NAV1: variants seen among roughly 807,000 people sequenced by gnomAD.
NAV1 encodes the protein pore membrane and/or filament interacting like protein 3.
A neutral mutation model predicts 175.2 loss-of-function variants in NAV1; 18 were observed. The observed-to-expected ratio is 0.10, with a 90% CI of 0.07 to 0.15. The LOEUF (loss-of-function observed/expected upper bound fraction) is 0.15. Ranked by LOEUF, NAV1 falls within the 10% of genes least tolerant of loss-of-function variation. The pLI is 1.00. For synonymous variants in NAV1, 897 were observed against 978.7 expected, an observed-to-expected ratio of 0.92 and a Z score of 1.56; for missense variants, 1,731 against 2,436.6, an observed-to-expected ratio of 0.71 and a Z score of 6.10.
chr1:201,804,859 C>G (rs1457676008), intron 17 of NAV1, among the ~76,000 whole-genome samples: 3 of 152,154 alleles, frequency 2.0e-5, no homozygotes, highest in African/African-American at 4.8e-5. Context: ...TCCATAATAC[C>G]TAGAGACCCA....
intron 2 of NAV1, among the ~76,000 whole-genome samples, chr1:201,611,464 C>T (rs1449821527): frequency 1.3e-5 from 2 of 152,168 alleles, no homozygotes; most frequent in African/African-American, 2.4e-5. Context: ...GGGACCTCCT[C>T]GCAATGCCCA....
intron 3 of NAV1, among the ~76,000 whole-genome samples, chr1:201,769,632 T>C (rs962287825): frequency 1.3e-5 from 2 of 152,232 alleles, no homozygotes; most frequent in Non-Finnish European, 2.9e-5. Context: ...TCTTGGAACC[T>C]GTTTCCAGTT....
chr1:201,706,376 G>T (rs1379180659), intron 1 of NAV1, among the ~76,000 whole-genome samples: 1 of 152,042 alleles, frequency 6.6e-6, no homozygotes, highest in Non-Finnish European at 1.5e-5. Context: ...CATCCCACAT[G>T]ATTAATTTAC....
upstream of NAV1, among the ~76,000 whole-genome samples, chr1:201,619,273 G>A (rs1191808615): frequency 2.6e-5 from 4 of 152,268 alleles, no homozygotes; most frequent in Non-Finnish European, 5.9e-5. Flanking sequence ...AATTCAGCCA[G>A]CCCTAGCCAT....
At chr1:201,820,104 A>G (rs1378481949) in exon 30 of NAV1, 1 of 621,656 alleles carries the variant, frequency 1.6e-6, no homozygotes, top group East Asian at 2.9e-5. Context: ...TACCTTTGAG[A>G]ACTTCCTAGG....
intron 1 of NAV1, among the ~76,000 whole-genome samples, chr1:201,563,272 C>T (rs1666256129): frequency 2.0e-5 from 3 of 152,174 alleles, no homozygotes; most frequent in South Asian, 2.1e-4. Context: ...CCTCGAAGAG[C>T]GTCCGGACGC....
intron 1 of NAV1, among the ~76,000 whole-genome samples, chr1:201,670,236 C>T (rs758608946): frequency 2.6e-5 from 4 of 151,414 alleles, no homozygotes; most frequent in East Asian, 1.9e-4. Flanking sequence ...AAAAATTAGC[C>T]GGGCGTGGTG....
intron 2 of NAV1, among the ~76,000 whole-genome samples, chr1:201,636,334 G>A (rs977658684): frequency 2.6e-5 from 4 of 152,184 alleles, no homozygotes; most frequent in African/African-American, 9.7e-5. Flanking sequence ...GGGTCCCCTG[G>A]TGAGAGACTT....
exon 1 of NAV1, chr1:201,648,854 T>G (rs1669078210): frequency 1.2e-6 from 2 of 1,611,376 alleles, no homozygotes; most frequent in Non-Finnish European, 1.7e-6. Flanking sequence ...CCAGCGCGGC[T>G]GAGCTGAAGG....
At chr1:201,783,592 C>T (rs540111730) in exon 7 of NAV1, 2 of 1,614,170 alleles carry the variant, frequency 1.2e-6, no homozygotes, top group African/African-American at 1.3e-5. Context: ...CGGCACCCAT[C>T]CTCAATATTA....
intron 3 of NAV1, among the ~76,000 whole-genome samples, chr1:201,756,075 C>T (rs1426211407): frequency 1.3e-5 from 2 of 148,872 alleles, no homozygotes; most frequent in Non-Finnish European, 3.0e-5. Context: ...CCATTGCACT[C>T]CAGCCTGGTG....
At chr1:201,657,363 C>G (rs988886142) in intron 1 of NAV1, among the ~76,000 whole-genome samples, 2 of 152,128 alleles carry the variant, frequency 1.3e-5, no homozygotes, top group Admixed American at 1.3e-4. Context: ...GAATTTCTAC[C>G]CATGAGTCTG....
At chr1:201,581,263 G>C (rs1558005873) in intron 1 of NAV1, among the ~76,000 whole-genome samples, 1 of 152,146 alleles carries the variant, frequency 6.6e-6, no homozygotes, top group Admixed American at 6.6e-5. Context: ...TGGGTTGCAG[G>C]GATAATCTTG....
chr1:201,725,306 C>T (rs533301698), intron 3 of NAV1, among the ~76,000 whole-genome samples: 4 of 152,290 alleles, frequency 2.6e-5, no homozygotes, highest in East Asian at 1.9e-4. Context: ...TTAGGAATCC[C>T]GCCTAGCGGG....
At chr1:201,546,630 C>A (rs1289671611) in intron 1 of NAV1, among the ~76,000 whole-genome samples, 3 of 152,030 alleles carry the variant, frequency 2.0e-5, no homozygotes, top group African/African-American at 7.2e-5. Context: ...TGTTGCCAGG[C>A]CCAGTGGCTC....
chr1:201,758,495 T>C (rs1203140513), intron 3 of NAV1, among the ~76,000 whole-genome samples: 1 of 152,228 alleles, frequency 6.6e-6, no homozygotes, highest in Non-Finnish European at 1.5e-5. Flanking sequence ...AAATTGTGTT[T>C]TGGTTTGCAG....
chr1:201,559,491 G>C (rs1571820569), intron 1 of NAV1, among the ~76,000 whole-genome samples: 1 of 152,144 alleles, frequency 6.6e-6, no homozygotes, highest in Admixed American at 6.5e-5. Context: ...GGTTTTGATG[G>C]AGGTGAGAAG....
intron 22 of NAV1, 143 bp downstream of exon 26, chr1:201,809,680 C>T: frequency 1.2e-6 from 1 of 813,146 alleles, no homozygotes; most frequent in Non-Finnish European, 2.0e-6. Context: ...AACTCTTGGG[C>T]TTAAGTAATT....
intron 2 of NAV1, among the ~76,000 whole-genome samples, chr1:201,642,511 C>CTCTT (rs753731862): frequency 4.4e-5 from 2 of 45,550 alleles, no homozygotes; most frequent in South Asian, 6.7e-4. Flanking sequence ...CGCACCCGGC[C>CTCTT]TCTTTCTTTC....
Sources: allele counts gnomAD v4.1 joint callset (sites outside exome capture counted in the v4.1 genomes callset), GRCh38; gene constraint gnomAD v4.1.1; transcripts MANE v1.5; gene names NCBI Gene and HGNC (gene_info 2026-07-23, HGNC 2026-07-21).